The following ANKRD6 variants were observed in gnomAD, a reference collection of about 807,000 sequenced individuals.
The protein encoded by ANKRD6 is ankyrin repeat domain-containing protein 6.
Under a neutral mutation model 82.3 loss-of-function variants are expected in ANKRD6, and 56 were observed. The ratio of observed to expected loss-of-function variants is 0.68; its 90% CI spans 0.55 to 0.85. The LOEUF (loss-of-function observed/expected upper bound fraction) is 0.85, where lower values mean the gene tolerates loss of function less well. ANKRD6 is among the 40% of genes least tolerant of loss of function. The probability of loss-of-function intolerance (pLI) is 0.00; values close to 1 mark genes in which losing one functional copy is unlikely to be tolerated. For synonymous variants in ANKRD6, 347 were observed against 352.1 expected (o/e 0.99, Z 0.16); for missense variants, 852 against 907.6 (o/e 0.94, Z 0.79).
In ANKRD6 at chr6:89,630,711, C is replaced by T. The variant is rs1484067969; in HGVS notation, c.1891C>T (p.His631Tyr). 3 of 1,613,822 alleles carry T rather than the reference C, an allele frequency of 1.9e-6. No individual in the cohort carries two copies. The highest frequency in any genetic ancestry group is 1.1e-5 in the South Asian group (1 of 91,080). ...KKSGKSGPTR[H>Y]RAQQPAASST... ...GTCTGGGAAGAGTGGGCCAACAAGG[C>T]ATCGTGCCCAGCAACCCGCAGCCAG... The change falls in exon 16 of 16, where the codon CAT (histidine) becomes TAT (tyrosine). Residue 631 changes from histidine to tyrosine, a missense_variant. By Grantham distance (83) the His-to-Tyr change is moderately conservative. Coordinates refer to ENST00000339746, the MANE Select transcript of ANKRD6 (RefSeq NM_001242809.2).
intron 1 of ANKRD6, among the ~76,000 whole-genome samples, chr6:89,548,447 G>A (rs1265870308): frequency 6.6e-6 from 1 of 152,176 alleles, no homozygotes; most frequent in African/African-American, 2.4e-5. Context: ...GGACATTTGA[G>A]TTGTTTCTAC....
chr6:89,625,218 G>C (rs190510273), intron 13 of ANKRD6, among the ~76,000 whole-genome samples: 1 of 152,250 alleles, frequency 6.6e-6, no homozygotes, highest in African/African-American at 2.4e-5. Context: ...GGGAGGTGGA[G>C]GTTGTAGTGA....
chr6:89,544,302 C>T (rs190341521), intron 1 of ANKRD6, among the ~76,000 whole-genome samples: 8 of 152,284 alleles, frequency 5.3e-5, no homozygotes, highest in Admixed American at 1.3e-4. Flanking sequence ...AGGTGTCTGC[C>T]GGAATACTAA....
intron 1 of ANKRD6, among the ~76,000 whole-genome samples, chr6:89,536,507 C>T (rs1216683514): frequency 6.6e-6 from 1 of 152,216 alleles, no homozygotes; most frequent in Non-Finnish European, 1.5e-5. Flanking sequence ...GGAACATGCT[C>T]TCAGTGAAAT....
intron 2 of ANKRD6, among the ~76,000 whole-genome samples, chr6:89,573,439 T>G (rs906319672): frequency 6.6e-6 from 1 of 152,168 alleles, no homozygotes; most frequent in African/African-American, 2.4e-5. Flanking sequence ...GCCCGAGTCT[T>G]TTCCTGGGGA....
intron 1 of ANKRD6, among the ~76,000 whole-genome samples, chr6:89,471,079 A>C (rs1775395075): frequency 6.6e-6 from 1 of 152,058 alleles, no homozygotes; most frequent in South Asian, 2.1e-4. Context: ...GTTTTCCTTC[A>C]ATTAGACTGA....
chr6:89,456,501 C>T (rs1007847606), intron 1 of ANKRD6, among the ~76,000 whole-genome samples: 5 of 152,236 alleles, frequency 3.3e-5, no homozygotes, highest in Middle Eastern at 3.4e-3. Flanking sequence ...TGCCTCTGTG[C>T]GTGTGCATCC....
Position 89,555,179 on chromosome 6 carries a change from T to C in ANKRD6, c.-143-11655T>C, listed in dbSNP as rs1167450446. Among the ~76,000 whole-genome samples, 3 of 143,156 alleles carry C rather than the reference T, an allele frequency of 2.1e-5. No homozygotes were observed. The East Asian group carries it at 6.8e-4, about 33-fold the overall frequency. 93.9% of individuals were successfully genotyped at this position (143,156 alleles called of 152,430 possible). A position where few individuals can be genotyped will look rare whatever the true frequency, so the allele number is the denominator to read the frequency against. On this transcript the variant is annotated intron_variant, in intron 1 of 15. Coordinates refer to ENST00000339746, the MANE Select transcript of ANKRD6 (RefSeq NM_001242809.2). ...CAAGTCAGCTTTATTCTATCTCAACTCTCCCGCTTGTCCTCTAAGTCTACA... is the reference window on the plus strand; with the variant it reads ...CAAGTCAGCTTTATTCTATCTCAACCCTCCCGCTTGTCCTCTAAGTCTACA...
intron 2 of ANKRD6, among the ~76,000 whole-genome samples, chr6:89,582,121 A>G (rs1792676940): frequency 6.6e-6 from 1 of 152,246 alleles, no homozygotes; most frequent in South Asian, 2.1e-4. Context: ...ACGTGTTAAC[A>G]TTTTATTTAA....
Position 89,612,402 on chromosome 6 carries a change from CTCTT to C in ANKRD6, c.516+37_516+40del, listed in dbSNP as rs754461983. ...GAACAAAACCAGATTCTCACGTTCT[CTCTT>C]TCTTGTGTCACTTCAGAAAATAACT... On this transcript the variant is annotated intron_variant, in intron 6 of 15. Coordinates refer to ENST00000339746, the MANE Select transcript of ANKRD6 (RefSeq NM_001242809.2). 7.9e-6 allele frequency: 12 copies of C among 1,521,882 alleles called. No homozygotes were observed. The African/African-American group carries it at 1.4e-4, about 17-fold the overall frequency. 94.3% of individuals were successfully genotyped at this position (1,521,882 alleles called of 1,614,324 possible).
Position 89,564,221 on chromosome 6 carries a change from T to C in ANKRD6, c.-143-2613T>C, listed in dbSNP as rs1583304609. ...GGTAGGGAGAGTATCCAAAGTCCTG[T>C]GTGAGGGACCTGTTCTGGAGGCTGC... On this transcript the variant is annotated intron_variant, in intron 1 of 15. Coordinates refer to ENST00000339746, the MANE Select transcript of ANKRD6 (RefSeq NM_001242809.2). Among the ~76,000 whole-genome samples the C allele has an allele frequency of 2.6e-5, 4 of 152,212 alleles. No individual in the cohort carries two copies. The Middle Eastern group carries it at 0.01, about 388-fold the overall frequency.
At chr6:89,607,605 C>T (rs1177928230) in intron 5 of ANKRD6, among the ~76,000 whole-genome samples, 1 of 150,078 alleles carries the variant, frequency 6.7e-6, no homozygotes, top group Non-Finnish European at 1.5e-5. Context: ...GTACCTTTCC[C>T]AAATTTTCCA....
intron 2 of ANKRD6, among the ~76,000 whole-genome samples, chr6:89,569,348 A>T (rs997412484): frequency 2.6e-5 from 4 of 152,180 alleles, no homozygotes; most frequent in African/African-American, 9.7e-5. Flanking sequence ...ATCATATGGT[A>T]TGTGGTCTTT....
At chr6:89,617,889 A>AGGAGCAGG in intron 8 of ANKRD6, 65 bp from the exon 9 acceptor site, 1 of 1,506,768 alleles carries the variant, frequency 6.6e-7, no homozygotes, top group South Asian at 1.1e-5. Context: ...GAGCTGTGCC[A>AGGAGCAGG]GCTGGGCTAT....
intron 1 of ANKRD6, among the ~76,000 whole-genome samples, chr6:89,504,386 GTC>G (rs975915590): frequency 4.0e-5 from 6 of 151,628 alleles, no homozygotes; most frequent in African/African-American, 1.2e-4. Flanking sequence ...TTGTAGGACA[GTC>G]TCTCTCTCGC....
chr6:89,563,087 C>T (rs145719671), intron 1 of ANKRD6, among the ~76,000 whole-genome samples: 76 of 152,250 alleles, frequency 5.0e-4, no homozygotes, highest in South Asian at 1.0e-3. Context: ...GGAGACAGAA[C>T]GTAGTGGCTT....
chr6:89,541,424 G>T (rs1384310252), intron 1 of ANKRD6, among the ~76,000 whole-genome samples: 1 of 105,666 alleles, frequency 9.5e-6, no homozygotes, highest in Non-Finnish European at 1.7e-5. Flanking sequence ...ATGGAGTCTC[G>T]CACTGTCACC....
At chr6:89,578,210 C>G (rs560881048) in intron 2 of ANKRD6, among the ~76,000 whole-genome samples, 3 of 151,116 alleles carry the variant, frequency 2.0e-5, no homozygotes, top group Non-Finnish European at 4.4e-5. Flanking sequence ...GCCAGGAGAA[C>G]GACATGGGAC....
chr6:89,579,119 G>T (rs574578660), intron 2 of ANKRD6, among the ~76,000 whole-genome samples: 1 of 152,174 alleles, frequency 6.6e-6, no homozygotes, highest in South Asian at 2.1e-4. Flanking sequence ...AGGTACAAGC[G>T]TGGATGCAGG....
Sources: gnomAD v4.1 joint callset for allele counts (sites outside exome capture counted in the v4.1 genomes callset) on GRCh38, gnomAD v4.1.1 for gene constraint, MANE v1.5 for transcripts, NCBI Gene and HGNC (gene_info 2026-07-23, HGNC 2026-07-21) for gene names.